The following DCC variants were observed in gnomAD, a reference collection of about 807,000 sequenced individuals.
DCC encodes the protein DCC netrin 1 receptor.
DCC carries 58 observed loss-of-function variants against 172.5 expected under a neutral mutation model. The observed-to-expected ratio is 0.34, with a 90% CI of 0.27 to 0.42. The LOEUF (loss-of-function observed/expected upper bound fraction) is 0.42. Among genes scored for constraint, DCC ranks in the 10% least tolerant of loss-of-function variants. The pLI is 1.00. For synonymous variants in DCC, 709 were observed against 644.5 expected (o/e 1.10, Z -1.52); for missense variants, 1,740 against 1,791.0 (o/e 0.97, Z 0.51).
At chr18:53,161,503 G>T (rs1164311760) in intron 8 of DCC, among the ~76,000 whole-genome samples, 2 of 151,988 alleles carry the variant, frequency 1.3e-5, no homozygotes, top group Non-Finnish European at 2.9e-5. Flanking sequence ...TTTATATTCT[G>T]TGAACATGCT....
At chr18:52,870,857 T>G (rs552927007) in intron 2 of DCC, among the ~76,000 whole-genome samples, 1 of 152,136 alleles carries the variant, frequency 6.6e-6, no homozygotes, top group African/African-American at 2.4e-5. Context: ...GAGTAAAAAC[T>G]TTGTCTCCCA....
At chr18:53,059,410 C>T (rs749757574) in intron 5 of DCC, among the ~76,000 whole-genome samples, 2 of 151,988 alleles carry the variant, frequency 1.3e-5, no homozygotes, top group African/African-American at 2.4e-5. Flanking sequence ...ATGTAAGTCA[C>T]GTGTGGATGA....
At chr18:52,681,344 G>T (rs17755942) in intron 1 of DCC, among the ~76,000 whole-genome samples, 3,369 of 151,934 alleles carry the variant, frequency 0.022, 66 homozygotes, top group East Asian at 0.094. Context: ...ACTATTTTTG[G>T]AATCCAAATT....
chr18:53,404,263 T>TAC (rs398071060), intron 19 of DCC, among the ~76,000 whole-genome samples: 1 of 126,688 alleles, frequency 7.9e-6, no homozygotes, highest in Non-Finnish European at 1.9e-5. Context: ...TAGAAAAAGA[T>TAC]GTTTTTGGCA....
chr18:53,289,734 G>A (rs12964775), intron 12 of DCC, among the ~76,000 whole-genome samples: 20,358 of 152,038 alleles, frequency 0.13, 1,801 homozygotes, highest in African/African-American at 0.24. Context: ...TTTTGAGACT[G>A]CTGAGATCTC....
intron 5 of DCC, among the ~76,000 whole-genome samples, chr18:52,976,123 A>G (rs1348529265): frequency 4.0e-5 from 6 of 151,578 alleles, no homozygotes; most frequent in South Asian, 2.1e-4. Context: ...TGAGCCTTTT[A>G]TCATATGATT....
chr18:53,213,415 C>A (rs1000881994), intron 11 of DCC, among the ~76,000 whole-genome samples: 2 of 151,738 alleles, frequency 1.3e-5, no homozygotes, highest in African/African-American at 4.8e-5. Flanking sequence ...TTTGGGAGGC[C>A]GAGGCGGGTG....
chr18:53,365,518 T>A (rs1006214633), intron 15 of DCC, among the ~76,000 whole-genome samples: 8 of 151,864 alleles, frequency 5.3e-5, no homozygotes, highest in African/African-American at 1.9e-4. Flanking sequence ...AACCCATAGA[T>A]GGGAGCCCAG....
intron 2 of DCC, among the ~76,000 whole-genome samples, chr18:52,836,927 G>C (rs1385306475): frequency 2.0e-5 from 3 of 152,204 alleles, no homozygotes; most frequent in Non-Finnish European, 4.4e-5. Context: ...GAACATCCAG[G>C]TGTCTCCATA....
intron 12 of DCC, among the ~76,000 whole-genome samples, chr18:53,222,525 C>T (rs1235766325): frequency 2.6e-5 from 4 of 151,766 alleles, no homozygotes; most frequent in African/African-American, 9.7e-5. Flanking sequence ...GCTGGGACTA[C>T]AGGCGTGTGC....
At chr18:53,170,876 T>TTTG (rs890960479) in intron 8 of DCC, among the ~76,000 whole-genome samples, 1 of 152,108 alleles carries the variant, frequency 6.6e-6, no homozygotes, top group African/African-American at 2.4e-5. Flanking sequence ...AGGTTTGTTT[T>TTTG]TTGTTGTTGT....
chr18:53,318,851 G>A (rs1404935617), intron 13 of DCC, among the ~76,000 whole-genome samples: 2 of 151,520 alleles, frequency 1.3e-5, no homozygotes, highest in Non-Finnish European at 2.9e-5. Flanking sequence ...GATGTTAAGG[G>A]CAGCCAGAGA....
At chr18:52,739,147 G>T (rs1057454231) in intron 1 of DCC, among the ~76,000 whole-genome samples, 3 of 152,070 alleles carry the variant, frequency 2.0e-5, no homozygotes, top group Non-Finnish European at 2.9e-5. Context: ...GAATTTTTCA[G>T]CTCCACTACA....
chr18:53,157,285 G>T, intron 7 of DCC, 71 bp from the exon 8 acceptor site: 1 of 1,598,904 alleles, frequency 6.3e-7, no homozygotes. Flanking sequence ...TAATAGGTTG[G>T]CTCTGCCTTC....
chr18:52,544,765 T>C (rs954287512), intron 1 of DCC, among the ~76,000 whole-genome samples: 1 of 152,210 alleles, frequency 6.6e-6, no homozygotes, highest in African/African-American at 2.4e-5. Flanking sequence ...TTGATAGATA[T>C]ATCTATTCTG....
At chr18:52,642,762 G>A (rs2034935211) in intron 1 of DCC, among the ~76,000 whole-genome samples, 1 of 152,136 alleles carries the variant, frequency 6.6e-6, no homozygotes, top group Non-Finnish European at 1.5e-5. Context: ...CTCCTGGGTT[G>A]AGGCAATCAT....
At chr18:53,260,821 C>A (rs1268007514) in intron 12 of DCC, among the ~76,000 whole-genome samples, 1 of 152,162 alleles carries the variant, frequency 6.6e-6, no homozygotes, top group East Asian at 1.9e-4. Flanking sequence ...CAGAGGCAGG[C>A]AGGCCTCCTT....
chr18:52,678,109 C>T (rs2035678667), intron 1 of DCC, among the ~76,000 whole-genome samples: 1 of 152,124 alleles, frequency 6.6e-6, no homozygotes, highest in African/African-American at 2.4e-5. Flanking sequence ...GTATTCTTGA[C>T]TATACTGATC....
chr18:52,827,332 T>C (rs576196349), intron 2 of DCC, among the ~76,000 whole-genome samples: 47 of 152,302 alleles, frequency 3.1e-4, no homozygotes, highest in Non-Finnish European at 5.1e-4. Flanking sequence ...GCTTCACCTT[T>C]GAGGGGAGGG....
Sources: allele counts gnomAD v4.1 joint callset (sites outside exome capture counted in the v4.1 genomes callset), GRCh38; gene constraint gnomAD v4.1.1; transcripts MANE v1.5; gene names NCBI Gene and HGNC (gene_info 2026-07-23, HGNC 2026-07-21).